The following NOTCH2 variants were observed in gnomAD, a reference collection of about 807,000 sequenced individuals.
The protein encoded by NOTCH2 is notch receptor 2.
Under a neutral mutation model 235.8 loss-of-function variants are expected in NOTCH2, and 29 were observed. The observed-to-expected ratio is 0.12, with a 90% CI of 0.09 to 0.17. The LOEUF is 0.17. NOTCH2 is among the 10% of genes least tolerant of loss of function. The pLI is 1.00. For missense variants in NOTCH2, 2,285 were observed against 3,150.2 expected (o/e 0.73, Z 6.57); for synonymous variants, 1,086 against 1,141.5 (o/e 0.95, Z 0.98).
intron 11 of NOTCH2, among the ~76,000 whole-genome samples, chr1:119,962,265 G>A (rs375764992): frequency 2.0e-5 from 3 of 152,130 alleles, no homozygotes; most frequent in Non-Finnish European, 2.9e-5. Context: ...TTTCCAGTAT[G>A]TTTATTATGA....
intron 1 of NOTCH2, among the ~76,000 whole-genome samples, chr1:120,031,175 C>G (rs112884732): frequency 2.7e-5 from 4 of 145,900 alleles, no homozygotes; most frequent in Non-Finnish European, 1.5e-5. Context: ...TCCCTGGCCA[C>G]GAAACCAGTA....
intron 5 of NOTCH2, among the ~76,000 whole-genome samples, chr1:119,975,037 C>T (rs1434150168): frequency 1.3e-5 from 2 of 152,166 alleles, no homozygotes; most frequent in Non-Finnish European, 2.9e-5. Context: ...GGTATAGCAA[C>T]TTGCCCAACT....
intron 1 of NOTCH2, among the ~76,000 whole-genome samples, chr1:120,037,878 A>T (rs1231711166): frequency 2.6e-5 from 4 of 152,034 alleles, no homozygotes; most frequent in Non-Finnish European, 2.9e-5. Flanking sequence ...CTGAAAATAT[A>T]CCTTAAGAAA....
chr1:119,938,028 G>GT lies in NOTCH2; in HGVS notation c.3184-19dup. ...ACCAGGGTCTGAAACAGAGGCAGGG[G>GT]TGTACATACATCAAAATTCAAATAC... On this transcript the variant is annotated intron_variant, in intron 19 of 33. Transcript: ENST00000256646. The GT allele has an allele frequency of 6.2e-7, 1 of 1,613,510 alleles. No individual in the cohort carries two copies. Among genetic ancestry groups the GT allele is most frequent in the Non-Finnish European group, 8.5e-7 (1 of 1,179,428 alleles).
At position 119,922,399 on chromosome 1, in the gene NOTCH2, C is replaced by T. The variant is rs1284787241; in HGVS notation, c.5050G>A (p.Val1684Ile). Residue 1684 changes from valine to isoleucine, a missense_variant, in exon 28 of 34, where the codon GTT (valine) becomes ATT (isoleucine). Around this residue, in one of 6 missense-constraint regions of NOTCH2, gnomAD observed 1,173 missense variants for 1,515.3 expected, o/e 0.77. Transcript: ENST00000256646. ...ATAAACAGAATGATGACAACAGCAA[C>T]AGCAAGGAGATAGAGGAGCTGAGTG... is the stretch of plus-strand genomic sequence containing the variant. The part of the protein sequence containing the change: ...ERTQLLYLLA[V>I]AVVIILFIIL... 1 of 1,614,066 alleles carries T rather than the reference C, an allele frequency of 6.2e-7. No individual in the cohort carries two copies.
At chr1:119,961,364 C>G (rs587640499) in intron 11 of NOTCH2, among the ~76,000 whole-genome samples, 9 of 152,330 alleles carry the variant, frequency 5.9e-5, no homozygotes, top group Middle Eastern at 3.4e-3. Context: ...AAGAAGGCAG[C>G]ACCCCCTCCC....
intron 1 of NOTCH2, among the ~76,000 whole-genome samples, chr1:120,037,137 G>C (rs1738713): frequency 7.9e-5 from 12 of 152,102 alleles, no homozygotes; most frequent in African/African-American, 2.2e-4. Flanking sequence ...TTCTCCCTAT[G>C]TGCAGTGTGG....
At chr1:120,034,785 A>G (rs1416156830) in intron 1 of NOTCH2, among the ~76,000 whole-genome samples, 1 of 151,254 alleles carries the variant, frequency 6.6e-6, no homozygotes, top group Admixed American at 6.6e-5. Flanking sequence ...ATGTAAATGA[A>G]CAAGTGTCAT....
At chr1:119,988,476 C>A (rs1201257753) in intron 4 of NOTCH2, among the ~76,000 whole-genome samples, 3 of 152,036 alleles carry the variant, frequency 2.0e-5, no homozygotes, top group Admixed American at 6.6e-5. Context: ...ACTCAAATTT[C>A]AAAAATGTAT....
chr1:119,969,439 T>C (rs1553200106), intron 6 of NOTCH2, 72 bp downstream of exon 6: 2 of 1,254,236 alleles, frequency 1.6e-6, no homozygotes, highest in African/African-American at 1.5e-5. Flanking sequence ...CTGTTTGGGA[T>C]GAAAGAGAAG....
rs1262704818 is a variant in NOTCH2, at chr1:119,926,607, C to T, written c.3897G>A (p.Arg1299=). 1.9e-6 allele frequency: 3 copies of T among 1,603,452 alleles called. No individual in the cohort carries two copies. Among genetic ancestry groups the T allele is most frequent in the Non-Finnish European group, 2.6e-6 (3 of 1,173,516 alleles). Residue 1299 remains arginine (R), a synonymous_variant, in exon 24 of 34, where the codon CGG becomes CGA. Transcript: ENST00000256646. ...LCVCRSAFTG[R]HCETFVDVCP... ...ACACATCGACGAAGGTTTCACAGTG[C>T]CGGCCTCAGAAAATAAAAAATAAAA...
At chr1:120,033,411 A>C (rs1553211273) in intron 1 of NOTCH2, among the ~76,000 whole-genome samples, 1 of 12,742 alleles carries the variant, frequency 7.8e-5, no homozygotes, top group Non-Finnish European at 2.6e-4. Flanking sequence ...ACTCCATCTC[A>C]AAAAAAAAAA....
At chr1:120,041,874 AAAAG>A (rs1355534408) in intron 1 of NOTCH2, among the ~76,000 whole-genome samples, 5 of 138,868 alleles carry the variant, frequency 3.6e-5, no homozygotes, top group Admixed American at 1.4e-4. Flanking sequence ...GAAAAGAAAA[AAAAG>A]AAAGAAAAAA....
intron 2 of NOTCH2, among the ~76,000 whole-genome samples, chr1:120,011,173 G>A (rs1386497742): frequency 1.3e-5 from 2 of 151,958 alleles, no homozygotes; most frequent in African/African-American, 4.8e-5. Context: ...TGATAAAAAT[G>A]TTTCGAAATT....
chr1:119,932,608 T>C (rs1296159110), intron 22 of NOTCH2, among the ~76,000 whole-genome samples: 5 of 32,110 alleles, frequency 1.6e-4, no homozygotes, highest in South Asian at 1.1e-3. Context: ...AACAAACAAA[T>C]ATCTATCTAT....
At chr1:119,933,279 G>A (rs1249507097) in intron 22 of NOTCH2, among the ~76,000 whole-genome samples, 1 of 152,162 alleles carries the variant, frequency 6.6e-6, no homozygotes, top group East Asian at 1.9e-4. Flanking sequence ...CTAAGGCTTA[G>A]AAATATGGTG....
At chr1:120,042,553 C>T (rs1164701178) in intron 1 of NOTCH2, among the ~76,000 whole-genome samples, 1 of 135,366 alleles carries the variant, frequency 7.4e-6, no homozygotes, top group African/African-American at 3.5e-5. Flanking sequence ...TTTGGAAAAC[C>T]AGTATAAAAG....
At chr1:119,918,629 G>T in intron 31 of NOTCH2, 76 bp from the exon 32 acceptor site, 1 of 1,477,746 alleles carries the variant, frequency 6.8e-7, no homozygotes, top group Non-Finnish European at 9.4e-7. Flanking sequence ...AGAAACAAGG[G>T]CATCAGAGCT....
At chr1:119,949,383 CTT>C (rs1175930294) in intron 15 of NOTCH2, among the ~76,000 whole-genome samples, 5 of 112,728 alleles carry the variant, frequency 4.4e-5, no homozygotes, top group Admixed American at 1.8e-4. Context: ...ACTACTATTT[CTT>C]TTTTTTTTTT....
Sources: allele counts gnomAD v4.1 joint callset (sites outside exome capture counted in the v4.1 genomes callset), GRCh38; gene constraint gnomAD v4.1.1; regional missense constraint gnomAD v4.1.1; transcripts MANE v1.5; gene names NCBI Gene and HGNC (gene_info 2026-07-23, HGNC 2026-07-21).